Variants in ITGB1 observed in about 807,000 individuals in gnomAD.
ITGB1 encodes the protein integrin beta-1.
Under a neutral mutation model 86.5 loss-of-function variants are expected in ITGB1, and 24 were observed. The observed-to-expected ratio is 0.28, with a 90% confidence interval of 0.20 to 0.39. The LOEUF (loss-of-function observed/expected upper bound fraction) is 0.39, where lower values mean the gene tolerates loss of function less well. ITGB1 is among the 10% of genes least tolerant of loss of function. The probability of loss-of-function intolerance (pLI) is 1.00; values close to 1 mark genes in which losing one functional copy is unlikely to be tolerated. For synonymous variants in ITGB1, 323 were observed against 316.8 expected, an observed-to-expected ratio of 1.02 and a Z score of -0.21; for missense variants, 556 against 946.9, an observed-to-expected ratio of 0.59 and a Z score of 5.42.
chr10:32,932,053 T>G (rs2094985103), intron 3 of ITGB1, among the ~76,000 whole-genome samples: 1 of 151,826 alleles, frequency 6.6e-6, no homozygotes, highest in African/African-American at 2.4e-5. Context: ...TACCTCCCCA[T>G]CAAAAAAGGG....
At chr10:32,940,942 T>C (rs746245857) in intron 1 of ITGB1, among the ~76,000 whole-genome samples, 3 of 152,320 alleles carry the variant, frequency 2.0e-5, no homozygotes, top group East Asian at 1.9e-4. Context: ...TATCAGGAAA[T>C]ACAAGGGTCA....
At chr10:32,921,873 T>A (rs541411578) in intron 9 of ITGB1, among the ~76,000 whole-genome samples, 1 of 152,300 alleles carries the variant, frequency 6.6e-6, no homozygotes, top group East Asian at 1.9e-4. Flanking sequence ...AAAAAAACTT[T>A]TCTAGCACAA....
Position 32,925,895 on chromosome 10 carries a change from G to A in ITGB1, c.762C>T (p.Ala254=). The A allele has an allele frequency of 1.9e-6, 3 of 1,611,874 alleles. No homozygotes were observed. ...NLDSPEGGFD[A]IMQVAVCGSL... The stretch of plus-strand genomic sequence containing the variant: ...CTCCACAAACTGCAACTTGCATGAT[G>A]GCATCGAAACCACCTTCTGGAGAAT... The change falls in exon 6 of 16, where the codon GCC becomes GCT. Residue 254 remains alanine (A), a synonymous_variant. Coordinates refer to ENST00000302278, the MANE Select transcript of ITGB1 (RefSeq NM_002211.4).
chr10:32,914,146 C>A (rs911176499), intron 11 of ITGB1, among the ~76,000 whole-genome samples: 4 of 152,166 alleles, frequency 2.6e-5, no homozygotes, highest in African/African-American at 9.7e-5. Context: ...GCCTGCCTTA[C>A]AAGAGCTCCT....
At chr10:32,903,502 A>T (rs1403507317) in intron 15 of ITGB1, among the ~76,000 whole-genome samples, 2 of 152,088 alleles carry the variant, frequency 1.3e-5, no homozygotes, top group African/African-American at 4.8e-5. Flanking sequence ...AGGGAAAAAC[A>T]TTAACATATA....
In ITGB1 at chr10:32,920,133, C is replaced by T. The variant is rs200740357; in HGVS notation, c.1270-49G>A. The stretch of plus-strand genomic sequence containing the variant: ...CAACCAACTAAACAATTTAAATCTA[C>T]TAAAAAATATTTCAAAAAGTTGCTC... On this transcript the variant is annotated intron_variant, in intron 10 of 15. Coordinates refer to ENST00000302278, the MANE Select transcript of ITGB1 (RefSeq NM_002211.4). 233 of 1,567,750 alleles carry T rather than the reference C, an allele frequency of 1.5e-4. 1 individual carries two copies. In the African/African-American group the frequency reaches 2.8e-3, roughly 19 times the overall value.
At chr10:32,913,116 A>C (rs1471066269) in intron 11 of ITGB1, among the ~76,000 whole-genome samples, 3 of 152,196 alleles carry the variant, frequency 2.0e-5, no homozygotes, top group African/African-American at 7.2e-5. Flanking sequence ...TGTTAGAAGG[A>C]AAACTAACAA....
rs374466540 is a variant in ITGB1 at position 32,911,835 on chromosome 10, G to A, written c.1708+51C>T. On this transcript the variant is annotated intron_variant, in intron 12 of 15. Coordinates refer to ENST00000302278, the MANE Select transcript of ITGB1 (RefSeq NM_002211.4). ...GCACCAACTAAACTCAAGATTTTTC[G>A]TGGCATTAGATGGGATCACATCTTA... 9.9e-5 allele frequency: 150 copies of A among 1,507,626 alleles called. No individual in the cohort carries two copies. In the East Asian group the frequency reaches 1.1e-3, roughly 11 times the overall value. The allele number at this position is 1,507,626 out of a possible 1,614,324, so 93.4% of individuals were successfully genotyped here.
chr10:32,912,465 TCTTAG>T lies in ITGB1; in HGVS notation c.1470-346_1470-342del, dbSNP rs1466651976. 2.0e-5 allele frequency among the ~76,000 whole-genome samples: 3 copies of T among 152,164 alleles called. No individual in the cohort carries two copies. The East Asian group carries it at 5.8e-4, about 29-fold the overall frequency. ...CACTAATACTGCGCTTTTCCAATGC[TCTTAG>T]AAAACGGAACACCAGAAGATTATAT... On this transcript the variant is annotated intron_variant, in intron 11 of 15. Coordinates refer to ENST00000302278, the MANE Select transcript of ITGB1 (RefSeq NM_002211.4).
Position 32,925,933 on chromosome 10 carries a change from A to T in ITGB1, c.724T>A (p.Ser242Thr). 1 of 1,614,164 alleles carries T rather than the reference A, an allele frequency of 6.2e-7. No individual in the cohort carries two copies. Among genetic ancestry groups the T allele is most frequent in the Non-Finnish European group, 8.5e-7 (1 of 1,179,996 alleles). Residue 242 changes from serine (S) to threonine (T), a missense_variant, in exon 6 of 16, where the codon TCT becomes ACT. Coordinates refer to ENST00000302278, the MANE Select transcript of ITGB1 (RefSeq NM_002211.4). ...CCTTCTGGAGAATCCAAATTTCCAGATATGCGCTGTTTTCCAACAAGTTCA... is the reference window on the plus strand; with the variant it reads ...CCTTCTGGAGAATCCAAATTTCCAGTTATGCGCTGTTTTCCAACAAGTTCA... ...FNELVGKQRI[S>T]GNLDSPEGGF...
At chr10:32,929,584 G>A (rs1593872163) in intron 4 of ITGB1, among the ~76,000 whole-genome samples, 1 of 152,104 alleles carries the variant, frequency 6.6e-6, no homozygotes, top group African/African-American at 2.4e-5. Flanking sequence ...AATACTTTCT[G>A]AATCTTTAAC....
intron 15 of ITGB1, among the ~76,000 whole-genome samples, chr10:32,902,105 C>G (rs1436181057): frequency 6.6e-6 from 1 of 152,146 alleles, no homozygotes; most frequent in Non-Finnish European, 1.5e-5. Context: ...TCTGGGGTCT[C>G]CTACGGAAGT....
rs955335980 is a variant in ITGB1 at position 32,919,830 on chromosome 10, CCTATACT to C, written c.1469+48_1469+54del. On this transcript the variant is annotated intron_variant, in intron 11 of 15. Coordinates refer to ENST00000302278, the MANE Select transcript of ITGB1 (RefSeq NM_002211.4). ...TCTGGATGTCCCAAAATATGACCTG[CCTATACT>C]CTCTAAACCAATGTAGCTCTGTCAC... 3.4e-6 allele frequency: 5 copies of C among 1,488,112 alleles called. No individual in the cohort carries two copies. In the African/African-American group the frequency reaches 4.1e-5, roughly 12 times the overall value. The allele number at this position is 1,488,112 out of a possible 1,614,324, so 92.2% of individuals were successfully genotyped here. A position where few individuals can be genotyped will look rare whatever the true frequency, so the allele number is the denominator to read the frequency against.
At chr10:32,957,294 T>TA (rs1483711338) in intron 1 of ITGB1, among the ~76,000 whole-genome samples, 1 of 152,146 alleles carries the variant, frequency 6.6e-6, no homozygotes, top group Non-Finnish European at 1.5e-5. Context: ...AAAAGTTACT[T>TA]AGAGAGTAGG....
chr10:32,948,984 A>T (rs1462784002), intron 1 of ITGB1, among the ~76,000 whole-genome samples: 2 of 151,860 alleles, frequency 1.3e-5, no homozygotes, highest in African/African-American at 4.8e-5. Flanking sequence ...AAAAAAAAAA[A>T]GACTGACTTC....
At chr10:32,920,184 T>A (rs765754224) in intron 10 of ITGB1, 61 bp downstream of exon 10, 68 of 1,577,890 alleles carry the variant, frequency 4.3e-5, no homozygotes, top group Non-Finnish European at 5.1e-5. Flanking sequence ...TCTCAAACTA[T>A]AAACTAAATT....
intron 5 of ITGB1, among the ~76,000 whole-genome samples, chr10:32,926,428 T>C (rs1220643027): frequency 6.6e-6 from 1 of 152,194 alleles, no homozygotes; most frequent in East Asian, 1.9e-4. Context: ...TACGGCCTGG[T>C]GGAAGGTATT....
chr10:32,935,817 G>T (rs993879088), intron 1 of ITGB1: 1 of 305,680 alleles, frequency 3.3e-6, no homozygotes, highest in Non-Finnish European at 6.1e-6. Context: ...AAAGCAAACC[G>T]ATTATATTTT....
intron 15 of ITGB1, among the ~76,000 whole-genome samples, chr10:32,905,412 T>C (rs2094893309): frequency 1.3e-5 from 2 of 152,354 alleles, no homozygotes; most frequent in South Asian, 2.1e-4. Flanking sequence ...ATTAAAGTGA[T>C]TTCCCTAACA....
Sources: gnomAD v4.1 joint callset for allele counts (sites outside exome capture counted in the v4.1 genomes callset) on GRCh38, gnomAD v4.1.1 for gene constraint, MANE v1.5 for transcripts, NCBI Gene and HGNC (gene_info 2026-07-23, HGNC 2026-07-21) for gene names.